STAC: variants seen among roughly 807,000 people sequenced by gnomAD.
STAC encodes SH3 and cysteine rich domain.
STAC carries 43 observed loss-of-function variants against 48.8 expected under a neutral mutation model. The ratio of observed to expected loss-of-function variants is 0.88; its 90% CI spans 0.69 to 1.14. The LOEUF (loss-of-function observed/expected upper bound fraction) is 1.14. Ranked by LOEUF, STAC falls within the 50% of genes most tolerant of loss-of-function variation. The pLI, the probability that STAC is intolerant of heterozygous loss-of-function variation, is 0.00. For missense variants in STAC, 497 were observed against 504.0 expected (o/e 0.99, Z 0.13); for synonymous variants, 193 against 179.5 (o/e 1.07, Z -0.60).
chr3:36,516,932 C>T (rs186111934), intron 8 of STAC, among the ~76,000 whole-genome samples: 109 of 152,258 alleles, frequency 7.2e-4, no homozygotes, highest in African/African-American at 2.5e-3. Flanking sequence ...ATTAACACCA[C>T]CCTAAGGATA....
At chr3:36,453,394 C>T (rs914216061) in intron 2 of STAC, among the ~76,000 whole-genome samples, 3 of 152,320 alleles carry the variant, frequency 2.0e-5, no homozygotes, top group African/African-American at 2.4e-5. Context: ...TGCGGGCCAG[C>T]GTGAGTTCCG....
At chr3:36,505,860 AAG>A (rs1698391795) in intron 8 of STAC, 26 bp downstream of exon 8, 2 of 1,513,646 alleles carry the variant, frequency 1.3e-6, no homozygotes, top group Non-Finnish European at 1.8e-6. Flanking sequence ...AAAGAAAAAA[AAG>A]AGTAAAATTT....
At chr3:36,435,458 C>A (rs1034460111) in intron 1 of STAC, among the ~76,000 whole-genome samples, 1 of 152,098 alleles carries the variant, frequency 6.6e-6, no homozygotes, top group Non-Finnish European at 1.5e-5. Flanking sequence ...GCCCCTTTCT[C>A]TCTTATGCAT....
intron 1 of STAC, among the ~76,000 whole-genome samples, chr3:36,388,845 CTTA>C (rs1235282952): frequency 1.3e-5 from 2 of 152,022 alleles, no homozygotes; most frequent in Admixed American, 6.5e-5. Context: ...TATTTTTGCA[CTTA>C]TTATTGTACT....
intron 1 of STAC, among the ~76,000 whole-genome samples, chr3:36,422,047 T>C (rs777327611): frequency 1.1e-4 from 17 of 152,158 alleles, no homozygotes; most frequent in Non-Finnish European, 1.8e-4. Flanking sequence ...ACCTGAGTGT[T>C]ATGATCCTGA....
chr3:36,437,094 G>T (rs1327114155), intron 1 of STAC, among the ~76,000 whole-genome samples: 1 of 152,028 alleles, frequency 6.6e-6, no homozygotes, highest in Non-Finnish European at 1.5e-5. Flanking sequence ...TCACACCAGT[G>T]AGAATGGCGA....
intron 1 of STAC, among the ~76,000 whole-genome samples, chr3:36,403,130 A>G (rs566200347): frequency 6.6e-6 from 1 of 152,344 alleles, no homozygotes; most frequent in African/African-American, 2.4e-5. Context: ...AAAAGGTACA[A>G]TCAATGCCTA....
intron 1 of STAC, among the ~76,000 whole-genome samples, chr3:36,432,097 G>A (rs1344596967): frequency 6.6e-6 from 1 of 152,190 alleles, no homozygotes; most frequent in African/African-American, 2.4e-5. Context: ...ATATGGCAGA[G>A]GTGTGGTGGG....
chr3:36,464,213 A>C (rs963265524), intron 2 of STAC, among the ~76,000 whole-genome samples: 3 of 152,146 alleles, frequency 2.0e-5, no homozygotes, highest in African/African-American at 2.4e-5. Context: ...TCGCCATTCT[A>C]ACTGGTGTGA....
intron 7 of STAC, 60 bp downstream of exon 7, chr3:36,504,517 C>A: frequency 6.7e-7 from 1 of 1,487,510 alleles, no homozygotes; most frequent in South Asian, 1.1e-5. Context: ...ACCTGCAGGT[C>A]ACCATCCAAG....
At chr3:36,438,358 C>T (rs754921941) in intron 1 of STAC, among the ~76,000 whole-genome samples, 1 of 152,022 alleles carries the variant, frequency 6.6e-6, no homozygotes, top group South Asian at 2.1e-4. Context: ...TTTCTTTTAC[C>T]ATTATTATTA....
intron 1 of STAC, among the ~76,000 whole-genome samples, chr3:36,417,228 T>C (rs78355870): frequency 0.028 from 4,317 of 152,248 alleles, 208 homozygotes; most frequent in African/African-American, 0.098. Context: ...TGATACCCTG[T>C]GTATGCCATG....
chr3:36,392,663 G>A (rs12636967), intron 1 of STAC, among the ~76,000 whole-genome samples: 28,965 of 151,988 alleles, frequency 0.19, 3,354 homozygotes, highest in Non-Finnish European at 0.24. Context: ...CCCCATGCCC[G>A]GCCCCTGCAG....
intron 2 of STAC, among the ~76,000 whole-genome samples, chr3:36,462,011 G>C (rs567130378): frequency 2.0e-5 from 3 of 152,120 alleles, no homozygotes; most frequent in African/African-American, 4.8e-5. Flanking sequence ...GAGGATTGAC[G>C]CAAGCAGAAC....
intron 2 of STAC, among the ~76,000 whole-genome samples, chr3:36,476,915 C>T (rs917541613): frequency 4.7e-5 from 7 of 149,314 alleles, no homozygotes; most frequent in African/African-American, 9.8e-5. Context: ...GCCTCCTCTC[C>T]GAGCCATGCC....
chr3:36,505,835 G>A lies in STAC; in HGVS notation c.920+1G>A, dbSNP rs1163119552. On this transcript the variant is annotated splice_donor_variant, in intron 8 of 10. Coordinates refer to ENST00000273183, the MANE Select transcript of STAC (RefSeq NM_003149.3). LOFTEE classifies it high-confidence loss of function. The stretch of plus-strand genomic sequence containing the variant: ...AGGAGAATGAAGATTTGGAAATGAG[G>A]TAAAAACCTTCTGTAAAGAAAAAAA... 4.4e-6 allele frequency: 7 copies of A among 1,586,006 alleles called. No individual in the cohort carries two copies. The highest frequency in any genetic ancestry group is 6.0e-6 in the Non-Finnish European group (7 of 1,166,564).
At chr3:36,397,672 C>G (rs1210913146) in intron 1 of STAC, among the ~76,000 whole-genome samples, 1 of 152,172 alleles carries the variant, frequency 6.6e-6, no homozygotes, top group Admixed American at 6.5e-5. Flanking sequence ...ACTACTGAAG[C>G]CTCCAAATTG....
intron 2 of STAC, among the ~76,000 whole-genome samples, chr3:36,465,894 C>G (rs868229266): frequency 7.9e-5 from 12 of 152,220 alleles, no homozygotes; most frequent in Middle Eastern, 3.4e-3. Context: ...CTACCTTCCC[C>G]CGCCCACTGA....
intron 5 of STAC, among the ~76,000 whole-genome samples, chr3:36,487,874 T>C (rs1697857533): frequency 2.0e-5 from 3 of 152,156 alleles, no homozygotes; most frequent in Admixed American, 1.3e-4. Context: ...GAGGAGATCA[T>C]TGTTATTTGG....
Sources: gnomAD v4.1 joint callset for allele counts (sites outside exome capture counted in the v4.1 genomes callset) on GRCh38, gnomAD v4.1.1 for gene constraint, MANE v1.5 for transcripts, NCBI Gene and HGNC (gene_info 2026-07-23, HGNC 2026-07-21) for gene names.